Variants in GABBR2 observed in about 807,000 individuals in gnomAD.
The protein encoded by GABBR2 is G-protein coupled receptor 51.
In GABBR2, 23 loss-of-function variants were observed where a neutral mutation model predicts 105.6. The ratio of observed to expected loss-of-function variants is 0.22; its 90% CI spans 0.16 to 0.31. GABBR2 has a LOEUF of 0.31. Ranked by LOEUF, GABBR2 falls within the 10% of genes least tolerant of loss-of-function variation. GABBR2 has a pLI of 1.00. For synonymous variants in GABBR2, 478 were observed against 499.7 expected (o/e 0.96, Z 0.58); for missense variants, 734 against 1,245.5 (o/e 0.59, Z 6.18).
Position 98,622,817 on chromosome 9 carries a change from G to A in GABBR2, c.322-44745C>T, listed in dbSNP as rs141333654. 3.2e-4 allele frequency among the ~76,000 whole-genome samples: 48 copies of A among 152,336 alleles called. No individual in the cohort carries two copies. The East Asian group carries it at 8.9e-3, about 28-fold the overall frequency. ...GCTGAGACAAATCACTGCAAACTTA[G>A]TGGCTTCAATAACACAGAGACAAAC... On this transcript the variant is annotated intron_variant, in intron 1 of 18. Coordinates refer to ENST00000259455, the MANE Select transcript of GABBR2 (RefSeq NM_005458.8).
At chr9:98,307,937 T>C (rs1830576090) in intron 14 of GABBR2, among the ~76,000 whole-genome samples, 1 of 152,152 alleles carries the variant, frequency 6.6e-6, no homozygotes, top group Admixed American at 6.5e-5. Context: ...AAATTCCTTT[T>C]AAAATGGGGA....
chr9:98,425,649 T>C (rs1370690999), intron 7 of GABBR2, among the ~76,000 whole-genome samples: 1 of 152,178 alleles, frequency 6.6e-6, no homozygotes, highest in Admixed American at 6.5e-5. Context: ...GCCTGGTGGA[T>C]ATTACCACCT....
chr9:98,670,327 A>T (rs1279948313), intron 1 of GABBR2, among the ~76,000 whole-genome samples: 1 of 152,152 alleles, frequency 6.6e-6, no homozygotes, highest in Non-Finnish European at 1.5e-5. Flanking sequence ...CTACCAAAAA[A>T]GTCCAGAAAA....
chr9:98,589,130 C>T (rs926650107), intron 1 of GABBR2, among the ~76,000 whole-genome samples: 3 of 152,210 alleles, frequency 2.0e-5, no homozygotes, highest in African/African-American at 7.2e-5. Flanking sequence ...AGTGTAAGAC[C>T]TGACTACAGG....
intron 8 of GABBR2, among the ~76,000 whole-genome samples, chr9:98,398,322 A>AC (rs1484395615): frequency 0.029 from 4,343 of 149,554 alleles, 208 homozygotes; most frequent in African/African-American, 0.1. Context: ...CAATTCTAGG[A>AC]CCCACCCCCC....
chr9:98,492,349 T>TTAAAAAAAAAAAAAAAAA (rs752135873), intron 4 of GABBR2, among the ~76,000 whole-genome samples: 19 of 29,220 alleles, frequency 6.5e-4, no homozygotes, highest in Non-Finnish European at 1.3e-3. Flanking sequence ...TGTTTCCTAG[T>TTAAAAAAAAAAAAAAAAA]AAAAAAAAAA....
chr9:98,583,130 C>T (rs953257926), intron 1 of GABBR2, among the ~76,000 whole-genome samples: 2 of 152,244 alleles, frequency 1.3e-5, no homozygotes, highest in Non-Finnish European at 2.9e-5. Flanking sequence ...AAACAACGTA[C>T]TGGGCACCAA....
At chr9:98,563,068 CAAAAAAAAAAAA>C (rs56185925) in intron 2 of GABBR2, among the ~76,000 whole-genome samples, 33 of 63,028 alleles carry the variant, frequency 5.2e-4, no homozygotes, top group Admixed American at 1.9e-3. Context: ...AGACCCTGTC[CAAAAAAAAAAAA>C]AAAAAAAAAA....
chr9:98,297,484 G>T (rs1443020312), intron 17 of GABBR2, among the ~76,000 whole-genome samples: 1 of 151,870 alleles, frequency 6.6e-6, no homozygotes, highest in Non-Finnish European at 1.5e-5. Context: ...GCAGTGGCAG[G>T]CACCTGTAAT....
At chr9:98,372,650 C>A (rs1446453416) in intron 11 of GABBR2, among the ~76,000 whole-genome samples, 1 of 152,196 alleles carries the variant, frequency 6.6e-6, no homozygotes, top group Non-Finnish European at 1.5e-5. Context: ...TCCCCAGGCC[C>A]CTTCTAGTTC....
intron 1 of GABBR2, among the ~76,000 whole-genome samples, chr9:98,643,174 G>A (rs1373298498): frequency 1.3e-5 from 2 of 152,244 alleles, no homozygotes; most frequent in Non-Finnish European, 2.9e-5. Flanking sequence ...CACTCGGAGG[G>A]GAGAGGGAGC....
At chr9:98,443,863 G>C (rs1826075313) in intron 7 of GABBR2, among the ~76,000 whole-genome samples, 1 of 152,192 alleles carries the variant, frequency 6.6e-6, no homozygotes, top group Non-Finnish European at 1.5e-5. Context: ...CTCTCTCTCT[G>C]ATGCATCTCA....
chr9:98,472,972 T>A lies in GABBR2; in HGVS notation c.999+174A>T, dbSNP rs149965105. ...TGGGTCTCACAGTTGCCTAGAGAGG[T>A]AAGCAGTGGAGGGTTGTACATACCA... On this transcript the variant is annotated intron_variant, in intron 6 of 18. Transcript: ENST00000259455. Among the ~76,000 whole-genome samples, 525 of 152,146 alleles carry A rather than the reference T, an allele frequency of 3.5e-3. 2 individuals carry two copies. The highest frequency in any genetic ancestry group is 5.1e-3 in the Non-Finnish European group (344 of 68,004).
chr9:98,485,896 T>C (rs1827037639), intron 4 of GABBR2, among the ~76,000 whole-genome samples: 1 of 152,138 alleles, frequency 6.6e-6, no homozygotes, highest in Admixed American at 6.5e-5. Flanking sequence ...AGCCACTCCA[T>C]GCCCCACACC....
At chr9:98,304,133 G>A (rs2131351364) in intron 15 of GABBR2, 1 of 152,540 alleles carries the variant, frequency 6.6e-6, no homozygotes, top group African/African-American at 2.4e-5. Context: ...GGCGTGGGAT[G>A]GGGATGAAGG....
Position 98,311,169 on chromosome 9 carries a change from G to A in GABBR2, c.1930C>T (p.Leu644Phe). ...TGGGTGTTCTCACAGTGCTCCAGGA[G>A]AGGGCGGATGGAGATATCCCGTCCT... ...PAGRDISIRP[L>F]LEHCENTHMT... The change falls in exon 14 of 19, where the codon CTC becomes TTC. Residue 644 changes from leucine to phenylalanine, a missense_variant. Physicochemically the swap from Leu to Phe is conservative, Grantham distance 22. Coordinates refer to ENST00000259455, the MANE Select transcript of GABBR2 (RefSeq NM_005458.8). 6.2e-7 allele frequency: 1 copy of A among 1,613,796 alleles called. No individual in the cohort carries two copies. The highest frequency in any genetic ancestry group is 8.5e-7 in the Non-Finnish European group (1 of 1,179,680).
intron 9 of GABBR2, among the ~76,000 whole-genome samples, chr9:98,390,923 T>C (rs914053650): frequency 6.6e-6 from 1 of 152,212 alleles, no homozygotes; most frequent in African/African-American, 2.4e-5. Context: ...TCCTGCAAAA[T>C]GATGGCTCCA....
chr9:98,355,547 C>T (rs1016551210), intron 13 of GABBR2, among the ~76,000 whole-genome samples: 1 of 151,998 alleles, frequency 6.6e-6, no homozygotes, highest in African/African-American at 2.4e-5. Flanking sequence ...AGGAAATCCA[C>T]AATACTCTAA....
At chr9:98,689,946 A>G (rs181438714) in intron 1 of GABBR2, among the ~76,000 whole-genome samples, 6 of 152,298 alleles carry the variant, frequency 3.9e-5, no homozygotes, top group Admixed American at 3.9e-4. Context: ...TTCCCTGCAA[A>G]GTGACTTAAA....
Sources: allele counts gnomAD v4.1 joint callset (sites outside exome capture counted in the v4.1 genomes callset), GRCh38; gene constraint gnomAD v4.1.1; transcripts MANE v1.5; gene names NCBI Gene and HGNC (gene_info 2026-07-23, HGNC 2026-07-21).